The following ULK4 variants were observed in gnomAD, a reference collection of about 807,000 sequenced individuals.
The protein encoded by ULK4 is unc-51 like kinase 4, also known as inactive serine/threonine-protein kinase ULK4.
In ULK4, 133 loss-of-function variants were observed where a neutral mutation model predicts 160.6. That is an observed-to-expected ratio of 0.83 (90% CI 0.72 to 0.96). The LOEUF is 0.96. Ranked by LOEUF, ULK4 falls within the 40% of genes least tolerant of loss-of-function variation. The probability of loss-of-function intolerance (pLI) is 0.00; values close to 1 mark genes in which losing one functional copy is unlikely to be tolerated. For missense variants in ULK4, 1,580 were observed against 1,499.5 expected, an observed-to-expected ratio of 1.05 and a Z score of -0.89; for synonymous variants, 534 against 539.8, an observed-to-expected ratio of 0.99 and a Z score of 0.15.
At position 41,590,280 on chromosome 3, in the gene ULK4, G is replaced by A. The variant is rs560619200; in HGVS notation, c.3121-24150C>T. On this transcript the variant is annotated intron_variant, in intron 31 of 36. Transcript: ENST00000301831. Reference sequence around the variant, plus strand: ...GCCTCCCAAAGTGCTGGGATTACAGGCATGAGCCACCGCGCCCGGCCCCCA... The same window carrying A: ...GCCTCCCAAAGTGCTGGGATTACAGACATGAGCCACCGCGCCCGGCCCCCA... Among the ~76,000 whole-genome samples, 152 of 151,592 alleles carry A rather than the reference G, an allele frequency of 1.0e-3. 1 individual carries two copies. Among genetic ancestry groups the A allele is most frequent in the African/African-American group, 3.6e-3 (148 of 41,426 alleles).
Position 41,715,877 on chromosome 3 carries a change from A to G in ULK4, c.2456-309T>C, listed in dbSNP as rs2037248888. ...TTTTTTTTGTATTTTCCAAATTTCA[A>G]TCATGAGCACTTGTTGCTTTTGCAA... On this transcript the variant is annotated intron_variant, in intron 23 of 36. Transcript: ENST00000301831. Among the ~76,000 whole-genome samples, 3 of 151,946 alleles carry G rather than the reference A, an allele frequency of 2.0e-5. No homozygotes were observed. In the South Asian group the frequency reaches 6.2e-4, roughly 32 times the overall value.
At chr3:41,641,213 T>C (rs1310617538) in intron 30 of ULK4, among the ~76,000 whole-genome samples, 1 of 152,160 alleles carries the variant, frequency 6.6e-6, no homozygotes, top group Non-Finnish European at 1.5e-5. Context: ...TCAGCCCTGG[T>C]GCAGCAGTGG....
chr3:41,335,647 C>T (rs1335204339), intron 35 of ULK4, among the ~76,000 whole-genome samples: 1 of 152,040 alleles, frequency 6.6e-6, no homozygotes, highest in Admixed American at 6.6e-5. Context: ...TGATGCTAAC[C>T]TATCCCATGG....
At chr3:41,599,565 CTTTTTTT>C (rs200055034) in intron 31 of ULK4, among the ~76,000 whole-genome samples, 2 of 130,764 alleles carry the variant, frequency 1.5e-5, no homozygotes, top group Non-Finnish European at 3.2e-5. Context: ...TTTTCTTTTT[CTTTTTTT>C]TTTTTTTTTT....
chr3:41,455,355 G>A, intron 34 of ULK4, 142 bp downstream of exon 34: 1 of 708,460 alleles, frequency 1.4e-6, no homozygotes, highest in Non-Finnish European at 2.2e-6. Context: ...TAGTTTTCCA[G>A]GCCAAATAAT....
At chr3:41,897,943 C>A (rs1231174269) in intron 14 of ULK4, among the ~76,000 whole-genome samples, 1 of 152,142 alleles carries the variant, frequency 6.6e-6, no homozygotes, top group Non-Finnish European at 1.5e-5. Flanking sequence ...CTAAATAAGA[C>A]TTTCATTAGC....
At chr3:41,822,727 T>TC (rs1346644463) in intron 18 of ULK4, among the ~76,000 whole-genome samples, 2 of 145,088 alleles carry the variant, frequency 1.4e-5, no homozygotes, top group Non-Finnish European at 3.0e-5. Flanking sequence ...CTGAGATTTT[T>TC]TTTTTTTTTT....
intron 29 of ULK4, among the ~76,000 whole-genome samples, chr3:41,676,137 G>T (rs1226488903): frequency 6.6e-6 from 1 of 151,916 alleles, no homozygotes; most frequent in Admixed American, 6.6e-5. Context: ...CTAATAAATG[G>T]GCATTGATAT....
chr3:41,446,539 T>C (rs951876045), intron 34 of ULK4, among the ~76,000 whole-genome samples: 2 of 152,002 alleles, frequency 1.3e-5, no homozygotes, highest in African/African-American at 4.8e-5. Context: ...TGGAATACTA[T>C]GCAGCCATAA....
At chr3:41,706,849 ATGTGTGTG>A (rs749756575) in intron 25 of ULK4, among the ~76,000 whole-genome samples, 98 of 102,376 alleles carry the variant, frequency 9.6e-4, no homozygotes, top group Non-Finnish European at 1.5e-3. Flanking sequence ...AAAAAAAAAT[ATGTGTGTG>A]TGTGTGTGTG....
At chr3:41,806,378 C>A (rs564250444) in intron 19 of ULK4, among the ~76,000 whole-genome samples, 1 of 151,976 alleles carries the variant, frequency 6.6e-6, no homozygotes, top group Non-Finnish European at 1.5e-5. Context: ...TCTCTCTTTT[C>A]TTCTTTATTA....
intron 21 of ULK4, among the ~76,000 whole-genome samples, chr3:41,787,879 C>CTA (rs575992548): frequency 9.7e-4 from 147 of 152,188 alleles, no homozygotes; most frequent in African/African-American, 3.2e-3. Flanking sequence ...ACATAACAAC[C>CTA]TATTTTACTG....
At chr3:41,734,994 G>A (rs2037977519) in intron 22 of ULK4, among the ~76,000 whole-genome samples, 1 of 152,132 alleles carries the variant, frequency 6.6e-6, no homozygotes, top group African/African-American at 2.4e-5. Flanking sequence ...ACGACATGAG[G>A]TTTTCTCAAC....
intron 29 of ULK4, among the ~76,000 whole-genome samples, chr3:41,670,579 GTATATACATACACATATACATA>G (rs1175592587): frequency 2.2e-4 from 33 of 151,784 alleles, no homozygotes; most frequent in South Asian, 1.3e-3. Context: ...ATGTATATAT[GTATATACATACACATATACATA>G]TATATACATA....
intron 32 of ULK4, among the ~76,000 whole-genome samples, chr3:41,540,811 T>C (rs2086669555): frequency 1.3e-5 from 2 of 152,236 alleles, no homozygotes; most frequent in Admixed American, 6.5e-5. Context: ...TTTCATATGT[T>C]TGTTGGCTGC....
At position 41,484,458 on chromosome 3, in the gene ULK4, C is replaced by CTTTTTT. The variant is rs369059587; in HGVS notation, c.3227-21211_3227-21206dup. On this transcript the variant is annotated intron_variant, in intron 32 of 36. Transcript: ENST00000301831. ...GAGTGACTTTTTTTTCTTTCTTTTC[C>CTTTTTT]TTTTTTTGTTTTGAGATGGAGTCTC... Among the ~76,000 whole-genome samples the CTTTTTT allele has an allele frequency of 2.1e-4, 28 of 134,936 alleles. 2 individuals carry two copies. Among genetic ancestry groups the CTTTTTT allele is most frequent in the Admixed American group, 3.1e-4 (4 of 13,110 alleles). 88.5% of individuals were successfully genotyped at this position (134,936 alleles called of 152,430 possible). A position where few individuals can be genotyped will look rare whatever the true frequency, so the allele number is the denominator to read the frequency against.
intron 17 of ULK4, among the ~76,000 whole-genome samples, chr3:41,842,855 T>C (rs1173482813): frequency 6.6e-6 from 1 of 152,180 alleles, no homozygotes; most frequent in Non-Finnish European, 1.5e-5. Flanking sequence ...CCAAACAGAA[T>C]TCAGAAATAG....
At chr3:41,506,096 T>A (rs1045503386) in intron 32 of ULK4, among the ~76,000 whole-genome samples, 2 of 152,228 alleles carry the variant, frequency 1.3e-5, no homozygotes, top group Non-Finnish European at 2.9e-5. Context: ...GAAATGTCTT[T>A]CACATAAACA....
intron 32 of ULK4, among the ~76,000 whole-genome samples, chr3:41,553,603 G>T (rs1027889306): frequency 6.6e-6 from 1 of 152,082 alleles, no homozygotes; most frequent in African/African-American, 2.4e-5. Flanking sequence ...ACAGATGCTG[G>T]AGAGGATGCA....
Sources: gnomAD v4.1 joint callset for allele counts (sites outside exome capture counted in the v4.1 genomes callset) on GRCh38, gnomAD v4.1.1 for gene constraint, MANE v1.5 for transcripts, NCBI Gene and HGNC (gene_info 2026-07-23, HGNC 2026-07-21) for gene names.